Variants in RYR2 observed in about 807,000 individuals in gnomAD.
The protein encoded by RYR2 is ryanodine receptor 2, also known as cardiac muscle ryanodine receptor-calcium release channel.
In RYR2, 227 loss-of-function variants were observed where a neutral mutation model predicts 601.1. The ratio of observed to expected loss-of-function variants is 0.38; its 90% CI spans 0.34 to 0.42. RYR2 has a LOEUF of 0.42. RYR2 is among the 10% of genes least tolerant of loss of function. The probability of loss-of-function intolerance (pLI) is 1.00; values close to 1 mark genes in which losing one functional copy is unlikely to be tolerated. For missense variants in RYR2, 4,646 were observed against 6,156.5 expected, an observed-to-expected ratio of 0.75 and a Z score of 8.21; for synonymous variants, 2,223 against 2,175.1, an observed-to-expected ratio of 1.02 and a Z score of -0.61.
chr1:237,155,821 A>G (rs1419354994), intron 1 of RYR2, among the ~76,000 whole-genome samples: 1 of 152,196 alleles, frequency 6.6e-6, no homozygotes, highest in Non-Finnish European at 1.5e-5. Context: ...AAAATTTACC[A>G]TCACCATGGC....
At chr1:237,318,171 G>A (rs567207482) in intron 2 of RYR2, among the ~76,000 whole-genome samples, 9 of 151,092 alleles carry the variant, frequency 6.0e-5, no homozygotes, top group Admixed American at 3.3e-4. Context: ...ATCTAAAATC[G>A]TAACTTCACA....
intron 84 of RYR2, among the ~76,000 whole-genome samples, chr1:237,764,151 A>G (rs1025576184): frequency 1.3e-5 from 2 of 152,222 alleles, no homozygotes; most frequent in Admixed American, 6.5e-5. Context: ...GCTCAAATGC[A>G]TGAACTTTTG....
In RYR2 at chr1:237,489,028, C is replaced by T. The variant is rs539197495; in HGVS notation, c.1709-2778C>T. Among the ~76,000 whole-genome samples the T allele has an allele frequency of 2.2e-3, 334 of 152,278 alleles. 1 individual carries two copies. The highest frequency in any genetic ancestry group is 3.1e-3 in the Non-Finnish European group (212 of 68,026). ...CATGAGGTCTGTTAGAATCACTCAA[C>T]CCTGCCTTTGTAGTGTGAAAGCAGC... is the stretch of plus-strand genomic sequence containing the variant. On this transcript the variant is annotated intron_variant, in intron 17 of 104. Transcript: ENST00000366574.
intron 29 of RYR2, among the ~76,000 whole-genome samples, chr1:237,573,998 C>T (rs948654722): frequency 6.6e-6 from 1 of 152,064 alleles, no homozygotes. Flanking sequence ...CTCCTCAAAA[C>T]CACGCTTACA....
At chr1:237,364,313 T>A in intron 4 of RYR2, 45 bp from the exon 5 acceptor site, 2 of 1,548,508 alleles carry the variant, frequency 1.3e-6, no homozygotes, top group Non-Finnish European at 1.8e-6. Flanking sequence ...GTCTTTGAGA[T>A]CGTGTCTATT....
At chr1:237,516,164 G>A (rs902431213) in intron 24 of RYR2, among the ~76,000 whole-genome samples, 4 of 152,084 alleles carry the variant, frequency 2.6e-5, no homozygotes, top group Non-Finnish European at 5.9e-5. Context: ...AGGCTGGAGT[G>A]CAGTTACGCG....
intron 12 of RYR2, among the ~76,000 whole-genome samples, chr1:237,434,118 T>C (rs184214680): frequency 4.6e-4 from 70 of 152,314 alleles, no homozygotes; most frequent in Admixed American, 1.1e-3. Flanking sequence ...CCCTTACCCC[T>C]AACTGTGTGA....
chr1:237,733,750 G>C lies in RYR2; in HGVS notation c.11085G>C (p.Met3695Ile). 6.3e-7 allele frequency: 1 copy of C among 1,598,370 alleles called. No individual in the cohort carries two copies. The highest frequency in any genetic ancestry group is 8.6e-7 in the Non-Finnish European group (1 of 1,166,974). Residue 3695 changes from methionine (M) to isoleucine (I), a missense_variant, in exon 79 of 105, where the codon ATG becomes ATC. Met to Ile is a conservative substitution (Grantham distance 10). Coordinates refer to ENST00000366574, the MANE Select transcript of RYR2 (RefSeq NM_001035.3). ...DFLYMAYADI[M>I]AKSCHDEEDD... ...TATATATGGCCTATGCAGATATTAT[G>C]GCAAAGGTAAATAAGTATCCTTCCT...
chr1:237,814,095 A>C lies in RYR2; in HGVS notation c.14434-4941A>C, dbSNP rs563179845. ...TTACCTAGATTGACATTCCAATTGT[A>C]GCGTCCAAACACTTACTTTTAATTT... On this transcript the variant is annotated intron_variant, in intron 100 of 104. Transcript: ENST00000366574. 1.7e-3 allele frequency among the ~76,000 whole-genome samples: 253 copies of C among 152,348 alleles called. 1 individual carries two copies. Among genetic ancestry groups the C allele is most frequent in the Non-Finnish European group, 3.2e-3 (219 of 68,032 alleles).
At chr1:237,055,437 T>G (rs1183796435) in intron 1 of RYR2, among the ~76,000 whole-genome samples, 1 of 152,050 alleles carries the variant, frequency 6.6e-6, no homozygotes, top group African/African-American at 2.4e-5. Flanking sequence ...GAGAAGCCTA[T>G]TAGGAGACAG....
intron 14 of RYR2, among the ~76,000 whole-genome samples, chr1:237,450,658 G>A (rs535834160): frequency 1.3e-5 from 2 of 152,238 alleles, no homozygotes; most frequent in Non-Finnish European, 2.9e-5. Flanking sequence ...GAGATTCCTT[G>A]TTCCCCTTGG....
intron 80 of RYR2, among the ~76,000 whole-genome samples, chr1:237,747,453 A>G (rs6661404): frequency 5.6e-4 from 86 of 152,336 alleles, no homozygotes; most frequent in African/African-American, 1.3e-3. Context: ...TAACATACTC[A>G]AACCAATACC....
At chr1:237,254,205 TA>T (rs774877063) in intron 1 of RYR2, among the ~76,000 whole-genome samples, 4 of 127,706 alleles carry the variant, frequency 3.1e-5, no homozygotes, top group Admixed American at 1.7e-4. Context: ...AGATTACTGT[TA>T]TTTTTTTTAT....
chr1:237,614,765 T>C lies in RYR2; in HGVS notation c.5637T>C (p.Gly1879=), dbSNP rs751554639. 54 of 1,612,546 alleles carry C rather than the reference T, an allele frequency of 3.3e-5. No individual in the cohort carries two copies. The highest frequency in any genetic ancestry group is 4.6e-5 in the Non-Finnish European group (54 of 1,178,866). ...SVDDAKLQGA[G]EEEAKGGKRP... is the part of the protein sequence containing the mutation. ...ACGATGCAAAGCTGCAAGGAGCTGG[T>C]GAGGAAGAAGCCAAGGGGGGCAAGC... Residue 1879 remains glycine, a synonymous_variant, in exon 37 of 105, where the codon GGT becomes GGC. Transcript: ENST00000366574. The surrounding 1 kb of genome is among the most constrained non-coding windows in gnomAD (Gnocchi z 4.3).
At chr1:237,217,329 T>C (rs1486163027) in intron 1 of RYR2, among the ~76,000 whole-genome samples, 1 of 69,906 alleles carries the variant, frequency 1.4e-5, no homozygotes. Flanking sequence ...ATTAAAACAC[T>C]TTTTTTTTTT....
At chr1:237,276,004 T>C (rs1690246957) in intron 2 of RYR2, among the ~76,000 whole-genome samples, 2 of 152,226 alleles carry the variant, frequency 1.3e-5, no homozygotes, top group Non-Finnish European at 1.5e-5. Context: ...TTCTTGAACA[T>C]CATGATAATG....
At chr1:237,051,969 G>T (rs1028241419) in intron 1 of RYR2, among the ~76,000 whole-genome samples, 3 of 152,192 alleles carry the variant, frequency 2.0e-5, no homozygotes, top group African/African-American at 7.2e-5. Flanking sequence ...TACATTACCA[G>T]AGCCTTGCAG....
chr1:237,631,337 TA>T, intron 41 of RYR2, 89 bp from the exon 42 acceptor site: 2 of 798,562 alleles, frequency 2.5e-6, no homozygotes, highest in Non-Finnish European at 4.1e-6. Context: ...TCAACTCACA[TA>T]AATTATTTCT....
At chr1:237,613,535 C>T (rs897638435) in intron 36 of RYR2, among the ~76,000 whole-genome samples, 3 of 152,100 alleles carry the variant, frequency 2.0e-5, no homozygotes, top group Non-Finnish European at 4.4e-5. Flanking sequence ...GGCGCGATCT[C>T]GGCTCATTGC....
Sources: gnomAD v4.1 joint callset for allele counts (sites outside exome capture counted in the v4.1 genomes callset) on GRCh38, gnomAD v4.1.1 for gene constraint, Gnocchi (gnomAD v3.1) non-coding constraint, MANE v1.5 for transcripts, NCBI Gene and HGNC (gene_info 2026-07-23, HGNC 2026-07-21) for gene names.